Variants in SLIT3 observed in about 807,000 individuals in gnomAD.
SLIT3 encodes the protein slit guidance ligand 3, also known as slit homolog 3 protein.
In SLIT3, 68 loss-of-function variants were observed where a neutral mutation model predicts 184.0. The observed-to-expected ratio is 0.37, with a 90% confidence interval of 0.30 to 0.45. The LOEUF (loss-of-function observed/expected upper bound fraction) is 0.45. SLIT3 is among the 20% of genes least tolerant of loss of function. SLIT3 has a pLI of 1.00. For missense variants in SLIT3, 1,707 were observed against 2,026.0 expected, an observed-to-expected ratio of 0.84 and a Z score of 3.02; for synonymous variants, 831 against 828.6, an observed-to-expected ratio of 1.00 and a Z score of -0.05.
intron 8 of SLIT3, among the ~76,000 whole-genome samples, chr5:168,816,522 T>C (rs1757338786): frequency 7.0e-6 from 1 of 143,168 alleles, no homozygotes; most frequent in Non-Finnish European, 1.5e-5. Flanking sequence ...CCTGGAAAGA[T>C]TTTCCTGGGT....
intron 4 of SLIT3, among the ~76,000 whole-genome samples, chr5:169,187,744 G>A (rs148687935): frequency 1.3e-5 from 2 of 151,736 alleles, no homozygotes; most frequent in Non-Finnish European, 2.9e-5. Context: ...AGTAGAGACG[G>A]GGTTTCACCA....
chr5:169,085,974 T>C (rs2113181443), intron 4 of SLIT3, among the ~76,000 whole-genome samples: 1 of 152,194 alleles, frequency 6.6e-6, no homozygotes, highest in East Asian at 1.9e-4. Flanking sequence ...GCAGCACCCT[T>C]TACTCCATGA....
intron 4 of SLIT3, among the ~76,000 whole-genome samples, chr5:169,046,257 C>T (rs974868019): frequency 2.6e-5 from 4 of 152,188 alleles, no homozygotes; most frequent in Admixed American, 1.3e-4. Flanking sequence ...AGTGAAACAT[C>T]TGTACAGCAC....
At chr5:169,219,387 G>A (rs1372250687) in intron 3 of SLIT3, among the ~76,000 whole-genome samples, 3 of 152,214 alleles carry the variant, frequency 2.0e-5, no homozygotes, top group Non-Finnish European at 4.4e-5. Context: ...TATTAATCTC[G>A]CTTTACAGAC....
chr5:169,119,316 C>T (rs1441836364), intron 4 of SLIT3, among the ~76,000 whole-genome samples: 2 of 152,122 alleles, frequency 1.3e-5, no homozygotes, highest in African/African-American at 4.8e-5. Flanking sequence ...AAGGAGCACC[C>T]CCTAGAATGA....
chr5:169,246,634 A>AT, intron 2 of SLIT3, among the ~76,000 whole-genome samples: 1 of 152,276 alleles, frequency 6.6e-6, no homozygotes, highest in East Asian at 1.9e-4. Context: ...GGCTTAAGAA[A>AT]TGTTGGCCGG....
intron 4 of SLIT3, among the ~76,000 whole-genome samples, chr5:169,149,026 G>A (rs1343386643): frequency 6.6e-6 from 1 of 152,154 alleles, no homozygotes; most frequent in East Asian, 1.9e-4. Context: ...GAGACAGAAA[G>A]CCTGCATGAC....
At chr5:168,993,297 G>T (rs932023845) in intron 4 of SLIT3, among the ~76,000 whole-genome samples, 3 of 152,204 alleles carry the variant, frequency 2.0e-5, no homozygotes, top group Non-Finnish European at 4.4e-5. Flanking sequence ...GCACTCTCAG[G>T]GGGGCTCCGG....
At chr5:169,275,260 G>C (rs1385108933) in intron 1 of SLIT3, among the ~76,000 whole-genome samples, 3 of 152,164 alleles carry the variant, frequency 2.0e-5, no homozygotes, top group African/African-American at 7.2e-5. Context: ...TACAGATGAG[G>C]TAACTAAGGT....
At chr5:169,059,572 CT>C (rs1581362815) in intron 4 of SLIT3, among the ~76,000 whole-genome samples, 1 of 152,194 alleles carries the variant, frequency 6.6e-6, no homozygotes, top group African/African-American at 2.4e-5. Context: ...TCAAACGGGC[CT>C]CTTCCAGCCC....
At chr5:169,081,291 AGAG>A (rs1759036415) in intron 4 of SLIT3, among the ~76,000 whole-genome samples, 1 of 152,286 alleles carries the variant, frequency 6.6e-6, no homozygotes, top group East Asian at 1.9e-4. Context: ...GAGCCTGGGA[AGAG>A]GAGAGGAAGG....
At chr5:169,193,364 A>T (rs569958213) in intron 4 of SLIT3, 115 bp downstream of exon 4, 1 of 827,676 alleles carries the variant, frequency 1.2e-6, no homozygotes, top group East Asian at 2.4e-5. Context: ...CCAAGTCTCT[A>T]TGTCAGGGCC....
At chr5:169,248,681 T>A (rs982450094) in intron 2 of SLIT3, among the ~76,000 whole-genome samples, 1 of 152,252 alleles carries the variant, frequency 6.6e-6, no homozygotes, top group Non-Finnish European at 1.5e-5. Flanking sequence ...CCCCATGTGA[T>A]GACGGCTGGG....
chr5:169,280,067 T>C (rs1766945219), intron 1 of SLIT3, among the ~76,000 whole-genome samples: 1 of 152,226 alleles, frequency 6.6e-6, no homozygotes. Context: ...CAAGGATGCA[T>C]CAGGAATTCA....
chr5:169,231,386 A>C (rs927839285), intron 3 of SLIT3, among the ~76,000 whole-genome samples: 12 of 152,186 alleles, frequency 7.9e-5, no homozygotes, highest in African/African-American at 2.2e-4. Flanking sequence ...CCATTGCTTA[A>C]CACCACCTCG....
At chr5:168,778,547 G>A (rs774851483) in intron 12 of SLIT3, among the ~76,000 whole-genome samples, 10 of 152,206 alleles carry the variant, frequency 6.6e-5, no homozygotes, top group African/African-American at 1.2e-4. Context: ...GAGCTTCAGC[G>A]TGTGATGCTG....
rs117541967 is a variant in SLIT3, at chr5:168,990,876, C to T, written c.414-107540G>A. Among the ~76,000 whole-genome samples the T allele has an allele frequency of 2.0e-3, 300 of 152,340 alleles. 7 individuals carry two copies. The East Asian group carries it at 0.053, about 27-fold the overall frequency. On this transcript the variant is annotated intron_variant, in intron 4 of 35. Coordinates refer to ENST00000519560, the MANE Select transcript of SLIT3 (RefSeq NM_003062.4). Reference sequence around the variant, plus strand: ...GTCCTTGGAGAATGCCACACGACAGCTGCCACGAGTAACAGCAGCTATCAT... The same window carrying T: ...GTCCTTGGAGAATGCCACACGACAGTTGCCACGAGTAACAGCAGCTATCAT...
intron 4 of SLIT3, among the ~76,000 whole-genome samples, chr5:169,048,867 C>G (rs1757719048): frequency 6.6e-6 from 1 of 152,128 alleles, no homozygotes; most frequent in Admixed American, 6.5e-5. Flanking sequence ...AAATTCCCCA[C>G]TTAATTAAGA....
At chr5:168,769,245 T>TGA (rs1328528044) in intron 14 of SLIT3, among the ~76,000 whole-genome samples, 1 of 152,154 alleles carries the variant, frequency 6.6e-6, no homozygotes, top group Non-Finnish European at 1.5e-5. Flanking sequence ...TTCCTCTCTG[T>TGA]GATAGATCAG....
Sources: allele counts gnomAD v4.1 joint callset (sites outside exome capture counted in the v4.1 genomes callset), GRCh38; gene constraint gnomAD v4.1.1; transcripts MANE v1.5; gene names NCBI Gene and HGNC (gene_info 2026-07-23, HGNC 2026-07-21).